KATNAL1: variants seen among roughly 807,000 people sequenced by gnomAD.
KATNAL1 encodes the protein katanin p60 ATPase-containing subunit A-like 1.
In KATNAL1, 32 loss-of-function variants were observed where a neutral mutation model predicts 55.2. The ratio of observed to expected loss-of-function variants is 0.58; its 90% CI spans 0.44 to 0.78. KATNAL1 has a LOEUF of 0.78. Among genes scored for constraint, KATNAL1 ranks in the 30% least tolerant of loss-of-function variants. The pLI is 0.00. For missense variants in KATNAL1, 466 were observed against 600.9 expected, an observed-to-expected ratio of 0.78 and a Z score of 2.35; for synonymous variants, 193 against 193.6, an observed-to-expected ratio of 1.00 and a Z score of 0.02.
rs1485761588 is a variant in KATNAL1 at position 30,203,527 on chromosome 13, A to G, written c.*5013T>C. The G allele has an allele frequency of 1.3e-5, 2 of 151,464 alleles. No homozygotes were observed. Among genetic ancestry groups the G allele is most frequent in the African/African-American group, 4.9e-5 (2 of 40,754 alleles). 9.4% of individuals were successfully genotyped at this position (151,464 alleles called of 1,614,324 possible). A position where few individuals can be genotyped will look rare whatever the true frequency, so the allele number is the denominator to read the frequency against. On this transcript the variant is annotated 3_prime_UTR_variant, in exon 11 of 11. Transcript: ENST00000380615. ...AATGGGAGTCCTTTTATAAGAGGGA[A>G]ACTTCTCTATACAAATTCCCTATTT...
In KATNAL1 at chr13:30,233,587, G is replaced by A. The variant is rs4002028; in HGVS notation, c.727-2115C>T. Among the ~76,000 whole-genome samples, 281 of 150,898 alleles carry A rather than the reference G, an allele frequency of 1.9e-3. 1 individual carries two copies. Among genetic ancestry groups the A allele is most frequent in the African/African-American group, 6.3e-3 (258 of 40,868 alleles). ...CATATGATCCAGCAATTCCACTACC[G>A]GGAATATATACAAAAAAAAAAAAAG... On this transcript the variant is annotated intron_variant, in intron 6 of 10. Transcript: ENST00000380615.
chr13:30,219,521 T>A (rs1410990042), intron 9 of KATNAL1, among the ~76,000 whole-genome samples: 5 of 152,260 alleles, frequency 3.3e-5, no homozygotes, highest in Admixed American at 3.3e-4. Context: ...TAAGTATATG[T>A]CTGGCTTCCA....
At position 30,263,629 on chromosome 13, in the gene KATNAL1, C is replaced by T. The variant is rs564424801; in HGVS notation, c.324-8014G>A. 1.5e-3 allele frequency among the ~76,000 whole-genome samples: 221 copies of T among 151,956 alleles called. 1 individual carries two copies. Among genetic ancestry groups the T allele is most frequent in the Non-Finnish European group, 1.6e-3 (107 of 67,980 alleles). On this transcript the variant is annotated intron_variant, in intron 3 of 10. Coordinates refer to ENST00000380615, the MANE Select transcript of KATNAL1 (RefSeq NM_032116.5). ...ATGAGTGAACTCCCATTCACAATTG[C>T]TTCAAAGAGAATAAAATACCTAGGA... is the stretch of plus-strand genomic sequence containing the variant.
At chr13:30,289,212 A>G in intron 1 of KATNAL1, among the ~76,000 whole-genome samples, 1 of 152,242 alleles carries the variant, frequency 6.6e-6, no homozygotes, top group East Asian at 1.9e-4. Flanking sequence ...CAGTATTGGT[A>G]ACATCTGTCA....
intron 1 of KATNAL1, among the ~76,000 whole-genome samples, chr13:30,303,107 C>T (rs77511309): frequency 0.027 from 4,144 of 152,282 alleles, 118 homozygotes; most frequent in African/African-American, 0.072. Flanking sequence ...GGAGCTTTTA[C>T]AATTACTAAT....
intron 1 of KATNAL1, among the ~76,000 whole-genome samples, chr13:30,293,091 G>A (rs2137556577): frequency 6.6e-6 from 1 of 152,052 alleles, no homozygotes; most frequent in East Asian, 1.9e-4. Context: ...GAAATATTCT[G>A]AATTATTAAA....
rs1593826560 is a variant in KATNAL1, at chr13:30,212,806, A to G, written c.1148-2364T>C. Among the ~76,000 whole-genome samples, 5 of 152,368 alleles carry G rather than the reference A, an allele frequency of 3.3e-5. No homozygotes were observed. The South Asian group carries it at 1.0e-3, about 32-fold the overall frequency. ...TTGATATAATCACATAATAGATGGT[A>G]TGGGTTAAACCATGTCCCTCAAAAT... On this transcript the variant is annotated intron_variant, in intron 9 of 10. Transcript: ENST00000380615.
In KATNAL1 at chr13:30,230,653, TAA is replaced by T. The variant is rs1203426424; in HGVS notation, c.886-61_886-60del. 2.3e-6 allele frequency: 3 copies of T among 1,324,738 alleles called. No individual in the cohort carries two copies. The African/African-American group carries it at 4.5e-5, about 20-fold the overall frequency. The allele number at this position is 1,324,738 out of a possible 1,614,324, so 82.1% of individuals were successfully genotyped here. On this transcript the variant is annotated intron_variant, in intron 7 of 10. Coordinates refer to ENST00000380615, the MANE Select transcript of KATNAL1 (RefSeq NM_032116.5). Reference sequence around the variant, plus strand: ...AATCTCATAAAACAATTGGAGTATTTAAAAAAATCTTTTAAAACAATGGCAAA... The same window carrying T: ...AATCTCATAAAACAATTGGAGTATTTAAAAATCTTTTAAAACAATGGCAAA...
At chr13:30,253,202 T>C (rs533493383) in intron 4 of KATNAL1, among the ~76,000 whole-genome samples, 5 of 152,346 alleles carry the variant, frequency 3.3e-5, no homozygotes, top group African/African-American at 1.2e-4. Flanking sequence ...CTGAGTCAAA[T>C]ATACCTTTCA....
intron 6 of KATNAL1, among the ~76,000 whole-genome samples, chr13:30,240,176 T>C (rs202092): frequency 0.91 from 137,892 of 152,258 alleles, 62,495 homozygotes; most frequent in East Asian, 0.96. Context: ...TTTTTATTTA[T>C]AGAACCATAC....
intron 8 of KATNAL1, among the ~76,000 whole-genome samples, chr13:30,229,103 T>G (rs1875815163): frequency 6.6e-6 from 1 of 152,140 alleles, no homozygotes; most frequent in South Asian, 2.1e-4. Context: ...ATGTTTTGCT[T>G]GAACGGCCTC....
At chr13:30,246,623 C>A (rs925952454) in intron 4 of KATNAL1, among the ~76,000 whole-genome samples, 9 of 152,046 alleles carry the variant, frequency 5.9e-5, no homozygotes, top group Non-Finnish European at 1.2e-4. Context: ...GAATGGGAGA[C>A]AATTTTTGCA....
chr13:30,296,359 A>G (rs1226311856), intron 1 of KATNAL1: 3 of 1,130,688 alleles, frequency 2.7e-6, no homozygotes, highest in Non-Finnish European at 3.9e-6. Context: ...TGGGCTGCGA[A>G]GTGCTGGGCA....
At chr13:30,257,507 T>C (rs369756733) in intron 3 of KATNAL1, among the ~76,000 whole-genome samples, 15 of 152,342 alleles carry the variant, frequency 9.8e-5, no homozygotes, top group Admixed American at 2.0e-4. Flanking sequence ...GGGCTTGCTG[T>C]GACCTCACTG....
intron 1 of KATNAL1, chr13:30,296,794 C>T (rs1882531109): frequency 2.3e-6 from 1 of 427,518 alleles, no homozygotes. Flanking sequence ...GGGTGCTCAC[C>T]TGTGCCCCTA....
rs1163972270 is a variant in KATNAL1, at chr13:30,204,160, A to G, written c.*4380T>C. The G allele has an allele frequency of 6.6e-6, 1 of 152,238 alleles. No homozygotes were observed. The highest frequency in any genetic ancestry group is 1.5e-5 in the Non-Finnish European group (1 of 68,042). 9.4% of individuals were successfully genotyped at this position (152,238 alleles called of 1,614,324 possible). A position where few individuals can be genotyped will look rare whatever the true frequency, so the allele number is the denominator to read the frequency against. On this transcript the variant is annotated 3_prime_UTR_variant, in exon 11 of 11. Transcript: ENST00000380615. ...ATATACAATCAAAACAGTTACGGAAAAAAAGATACAAAAAAGAGAATAGTT... is the reference window on the plus strand; with the variant it reads ...ATATACAATCAAAACAGTTACGGAAGAAAAGATACAAAAAAGAGAATAGTT...
intron 10 of KATNAL1, among the ~76,000 whole-genome samples, chr13:30,209,701 T>A (rs986581124): frequency 2.0e-5 from 3 of 152,264 alleles, no homozygotes; most frequent in Admixed American, 2.0e-4. Flanking sequence ...TTACTTTAGG[T>A]TGATGCAGAA....
chr13:30,297,987 C>T (rs762186188), intron 1 of KATNAL1, among the ~76,000 whole-genome samples: 1 of 152,100 alleles, frequency 6.6e-6, no homozygotes, highest in Non-Finnish European at 1.5e-5. Context: ...ATGTAACAAA[C>T]GTGCAGATGT....
chr13:30,212,457 C>G (rs1873780967), intron 9 of KATNAL1, among the ~76,000 whole-genome samples: 1 of 152,242 alleles, frequency 6.6e-6, no homozygotes, highest in Non-Finnish European at 1.5e-5. Context: ...CTGGCTTGCC[C>G]TTGGCCGGCG....
Sources: gnomAD v4.1 joint callset for allele counts (sites outside exome capture counted in the v4.1 genomes callset) on GRCh38, gnomAD v4.1.1 for gene constraint, MANE v1.5 for transcripts, NCBI Gene and HGNC (gene_info 2026-07-23, HGNC 2026-07-21) for gene names.